Variants in ULK4 observed in about 807,000 individuals in gnomAD.
The protein encoded by ULK4 is unc-51 like kinase 4.
Under a neutral mutation model 160.6 loss-of-function variants are expected in ULK4, and 133 were observed. That is an observed-to-expected ratio of 0.83 (90% confidence interval 0.72 to 0.96). The LOEUF (loss-of-function observed/expected upper bound fraction) is 0.96. Ranked by LOEUF, ULK4 falls within the 40% of genes least tolerant of loss-of-function variation. The pLI is 0.00. For missense variants in ULK4, 1,580 were observed against 1,499.5 expected, an observed-to-expected ratio of 1.05 and a Z score of -0.89; for synonymous variants, 534 against 539.8, an observed-to-expected ratio of 0.99 and a Z score of 0.15.
At chr3:41,959,890 A>G (rs1414216931) in intron 1 of ULK4, among the ~76,000 whole-genome samples, 1 of 152,232 alleles carries the variant, frequency 6.6e-6, no homozygotes, top group Non-Finnish European at 1.5e-5. Context: ...ACTAAGCCAG[A>G]AAAAATATAA....
chr3:41,844,656 G>C (rs2042019675), intron 17 of ULK4, among the ~76,000 whole-genome samples: 1 of 152,220 alleles, frequency 6.6e-6, no homozygotes, highest in African/African-American at 2.4e-5. Flanking sequence ...TGCCGCCAAA[G>C]TGGGAGCCCA....
chr3:41,761,917 A>AAAT (rs1234870904), intron 21 of ULK4, among the ~76,000 whole-genome samples: 3 of 151,810 alleles, frequency 2.0e-5, no homozygotes, highest in Admixed American at 6.6e-5. Context: ...CTCTACTTAA[A>AAAT]AATAATAATA....
At chr3:41,833,107 A>G (rs1470447218) in intron 18 of ULK4, among the ~76,000 whole-genome samples, 2 of 152,106 alleles carry the variant, frequency 1.3e-5, no homozygotes, top group Non-Finnish European at 2.9e-5. Flanking sequence ...CATTGAATCT[A>G]TAAACTACTT....
Position 41,954,716 on chromosome 3 carries a change from T to TTGC in ULK4, c.41_43dup (p.Ser14dup), listed in dbSNP as rs1404708284. 1 of 1,613,962 alleles carries TTGC rather than the reference T, an allele frequency of 6.2e-7. No individual in the cohort carries two copies. The highest frequency in any genetic ancestry group is 1.1e-5 in the South Asian group (1 of 91,076). ...CCGTCGCCCTTTATAGACAACAGTC[T>TTGC]TGCTTCCTCTTCCGATCTCCTCATA... On this transcript the variant is annotated inframe_insertion, in exon 2 of 37. Transcript: ENST00000301831.
chr3:41,706,827 CAAA>C (rs1156423434), intron 25 of ULK4, among the ~76,000 whole-genome samples: 5,309 of 58,090 alleles, frequency 0.091, 349 homozygotes, highest in African/African-American at 0.17. Context: ...GACTCTGTCT[CAAA>C]AAAAAAAAAA....
chr3:41,251,246 G>A (rs879887948), intron 35 of ULK4: 3 of 152,214 alleles, frequency 2.0e-5, no homozygotes, highest in African/African-American at 4.8e-5. Flanking sequence ...TGAAAACTAC[G>A]TGGTTTGGCC....
chr3:41,706,849 ATGTGTGTGTGTGTGTGTGTG>A (rs749756575), intron 25 of ULK4, among the ~76,000 whole-genome samples: 2 of 102,368 alleles, frequency 2.0e-5, no homozygotes, highest in African/African-American at 5.1e-5. Context: ...AAAAAAAAAT[ATGTGTGTGTGTGTGTGTGTG>A]TGTGTGTGTG....
chr3:41,569,981 C>T (rs1691988), intron 31 of ULK4, among the ~76,000 whole-genome samples: 65,238 of 151,676 alleles, frequency 0.43, 15,087 homozygotes, highest in Middle Eastern at 0.55. Flanking sequence ...ATCCTACCTT[C>T]TCCTCTGCCC....
At chr3:41,877,519 G>A (rs1697353487) in intron 17 of ULK4, among the ~76,000 whole-genome samples, 1 of 151,804 alleles carries the variant, frequency 6.6e-6, no homozygotes, top group Admixed American at 6.6e-5. Context: ...TAGAGATGGG[G>A]TTTTGCCATG....
At chr3:41,580,383 T>A (rs949297975) in intron 31 of ULK4, among the ~76,000 whole-genome samples, 2 of 152,090 alleles carry the variant, frequency 1.3e-5, no homozygotes, top group Non-Finnish European at 2.9e-5. Context: ...TTTATTTTTT[T>A]TTTTTTAAAA....
chr3:41,941,100 C>T (rs547538899), intron 2 of ULK4, among the ~76,000 whole-genome samples: 1 of 150,268 alleles, frequency 6.7e-6, no homozygotes, highest in African/African-American at 2.4e-5. Flanking sequence ...GTGGCACAGT[C>T]ATGGCTCACT....
chr3:41,632,226 C>G (rs2033776214), intron 30 of ULK4, among the ~76,000 whole-genome samples: 1 of 152,242 alleles, frequency 6.6e-6, no homozygotes, highest in Non-Finnish European at 1.5e-5. Context: ...GTGGCAGAGA[C>G]CAAAGGCAAG....
At chr3:41,826,975 C>A (rs984950415) in intron 18 of ULK4, among the ~76,000 whole-genome samples, 2 of 150,442 alleles carry the variant, frequency 1.3e-5, no homozygotes, top group South Asian at 2.1e-4. Flanking sequence ...GACCACAGTG[C>A]AATCAAACTA....
chr3:41,943,283 G>C (rs199568018), intron 2 of ULK4, among the ~76,000 whole-genome samples: 3 of 22,186 alleles, frequency 1.4e-4, no homozygotes, highest in East Asian at 7.6e-3. Flanking sequence ...ATTTTTCAAT[G>C]TGGCTACTAA....
At chr3:41,769,554 C>G (rs2039283342) in intron 21 of ULK4, among the ~76,000 whole-genome samples, 1 of 152,032 alleles carries the variant, frequency 6.6e-6, no homozygotes, top group Non-Finnish European at 1.5e-5. Context: ...GTTCTATAAC[C>G]CAAATCACAG....
chr3:41,264,596 A>C (rs1225020989), intron 35 of ULK4, among the ~76,000 whole-genome samples: 1 of 152,230 alleles, frequency 6.6e-6, no homozygotes, highest in Admixed American at 6.5e-5. Flanking sequence ...AGAACCTGTG[A>C]GATTCCTATC....
intron 32 of ULK4, among the ~76,000 whole-genome samples, chr3:41,495,958 C>G (rs552084061): frequency 3.7e-4 from 56 of 151,876 alleles, no homozygotes; most frequent in African/African-American, 1.2e-3. Context: ...AACACAAAAG[C>G]CAGAAGCCAT....
At chr3:41,482,547 A>C (rs1226101962) in intron 32 of ULK4, among the ~76,000 whole-genome samples, 2 of 152,224 alleles carry the variant, frequency 1.3e-5, no homozygotes, top group Non-Finnish European at 2.9e-5. Flanking sequence ...TCTCCTTTTC[A>C]CTTGGCTATG....
At chr3:41,366,548 T>TACACACACACACACACACACACACAC (rs148305509) in intron 35 of ULK4, among the ~76,000 whole-genome samples, 3 of 148,690 alleles carry the variant, frequency 2.0e-5, no homozygotes, top group African/African-American at 7.4e-5. Flanking sequence ...AAAATATGGC[T>TACACACACACACACACACACACACAC]ACACACACAC....
Sources: gnomAD v4.1 joint callset for allele counts (sites outside exome capture counted in the v4.1 genomes callset) on GRCh38, gnomAD v4.1.1 for gene constraint, MANE v1.5 for transcripts, NCBI Gene and HGNC (gene_info 2026-07-23, HGNC 2026-07-21) for gene names.